DOCK7: variants seen among roughly 807,000 people sequenced by gnomAD.
The protein encoded by DOCK7 is dedicator of cytokinesis protein 7.
Under a neutral mutation model 271.0 loss-of-function variants are expected in DOCK7, and 138 were observed. The ratio of observed to expected loss-of-function variants is 0.51; its 90% CI spans 0.44 to 0.59. DOCK7 has a LOEUF of 0.59. DOCK7 is among the 20% of genes least tolerant of loss of function. The probability of loss-of-function intolerance (pLI) is 0.00; values close to 1 mark genes in which losing one functional copy is unlikely to be tolerated. For missense variants in DOCK7, 2,066 were observed against 2,592.4 expected, an observed-to-expected ratio of 0.80 and a Z score of 4.41; for synonymous variants, 823 against 876.1, an observed-to-expected ratio of 0.94 and a Z score of 1.07.
rs1012319916 is a variant in DOCK7, at chr1:62,454,961, G to A, written c.*453C>T. On this transcript the variant is annotated 3_prime_UTR_variant, in exon 50 of 50. Coordinates refer to ENST00000635253, the MANE Select transcript of DOCK7 (RefSeq NM_001367561.1). ...TAGTTCTTGAGTCAACCCTTTAATT[G>A]TTCTCTGCCATTGTCAATAATAAAA... The A allele has an allele frequency of 1.4e-5, 5 of 346,530 alleles. No homozygotes were observed. Among genetic ancestry groups the A allele is most frequent in the South Asian group, 1.1e-4 (1 of 8,930 alleles). 21.5% of individuals were successfully genotyped at this position (346,530 alleles called of 1,614,324 possible). A position where few individuals can be genotyped will look rare whatever the true frequency, so the allele number is the denominator to read the frequency against.
At chr1:62,595,611 C>T (rs1337347886) in intron 14 of DOCK7, among the ~76,000 whole-genome samples, 2 of 152,136 alleles carry the variant, frequency 1.3e-5, no homozygotes, top group Non-Finnish European at 2.9e-5. Flanking sequence ...CTCTATTTTA[C>T]ACAATGAAGA....
chr1:62,561,065 G>A (rs1571548449), intron 19 of DOCK7, among the ~76,000 whole-genome samples: 1 of 152,268 alleles, frequency 6.6e-6, no homozygotes, highest in South Asian at 2.1e-4. Flanking sequence ...GCAGTAATAA[G>A]TGCAGGGTAA....
In DOCK7 at chr1:62,537,964, G is replaced by A. The variant is rs770900693; in HGVS notation, c.3398C>T (p.Thr1133Ile). The change falls in exon 28 of 50, where the codon ACA becomes ATA. Residue 1133 changes from threonine (T) to isoleucine (I), a missense_variant. By Grantham distance (89) the Thr-to-Ile change is moderately conservative. Coordinates refer to ENST00000635253, the MANE Select transcript of DOCK7 (RefSeq NM_001367561.1). ...AAGTAAGCTGCAGGGTAAGTTTAAT[G>A]TAACATAGTGCTCATGACTGCAGAT... ...RIICSHEHYV[T>I]LNLPCSLLTP... 3.7e-6 allele frequency: 6 copies of A among 1,613,954 alleles called. No individual in the cohort carries two copies. Among genetic ancestry groups the A allele is most frequent in the Non-Finnish European group, 4.2e-6 (5 of 1,179,982 alleles).
intron 2 of DOCK7, among the ~76,000 whole-genome samples, chr1:62,658,365 A>T (rs1658276945): frequency 6.6e-6 from 1 of 151,994 alleles, no homozygotes; most frequent in Non-Finnish European, 1.5e-5. Flanking sequence ...GCGGCATGAG[A>T]ATCGCTTGAA....
rs922873680 is a variant in DOCK7 at position 62,653,601 on chromosome 1, T to G, written c.389+124A>C. 33 of 653,894 alleles carry G rather than the reference T, an allele frequency of 5.0e-5. No homozygotes were observed. The Admixed American group carries it at 9.9e-4, about 20-fold the overall frequency. 40.5% of individuals were successfully genotyped at this position (653,894 alleles called of 1,614,324 possible). On this transcript the variant is annotated intron_variant, in intron 4 of 49. Transcript: ENST00000635253. The stretch of plus-strand genomic sequence containing the variant: ...AAATATCTATACACAAAAGTTCTTC[T>G]TTTGTTTCTTCAGCTATTTTGTTTA...
intron 43 of DOCK7, chr1:62,486,331 A>C (rs762023841): frequency 6.6e-6 from 1 of 152,100 alleles, no homozygotes; most frequent in African/African-American, 2.4e-5. Context: ...AAGGTTTTCT[A>C]TTTGGGTCTT....
chr1:62,524,639 T>C (rs1644944746), intron 31 of DOCK7, among the ~76,000 whole-genome samples: 1 of 151,994 alleles, frequency 6.6e-6, no homozygotes, highest in African/African-American at 2.4e-5. Context: ...GGCTCATACC[T>C]ATGATCCCAG....
At position 62,552,849 on chromosome 1, in the gene DOCK7, C is replaced by G; in HGVS notation, c.2649G>C (p.Ala883=). The part of the protein sequence containing the change: ...SVHYATMARS[A]VRPASLNLNR... ...TTAAATTAAGGCTTGCAGGTCTCAC[C>G]GCAGATCTAGCCATTGTGGCATAAT... Residue 883 remains alanine (A), a synonymous_variant, in exon 22 of 50, where the codon GCG becomes GCC. Transcript: ENST00000635253. 4 of 1,613,544 alleles carry G rather than the reference C, an allele frequency of 2.5e-6. No homozygotes were observed. The highest frequency in any genetic ancestry group is 3.4e-6 in the Non-Finnish European group (4 of 1,179,850).
chr1:62,585,467 A>T (rs576427860), intron 15 of DOCK7, among the ~76,000 whole-genome samples: 1 of 152,320 alleles, frequency 6.6e-6, no homozygotes, highest in African/African-American at 2.4e-5. Flanking sequence ...ACTTCAGCTG[A>T]GCCAAAAATT....
chr1:62,664,406 A>T (rs965820534), intron 1 of DOCK7, among the ~76,000 whole-genome samples: 2 of 152,042 alleles, frequency 1.3e-5, no homozygotes, highest in African/African-American at 4.8e-5. Context: ...CTTGGCTCTC[A>T]TTCTCTCCAG....
At chr1:62,466,194 T>TG (rs1553149676) in intron 48 of DOCK7, among the ~76,000 whole-genome samples, 3 of 152,140 alleles carry the variant, frequency 2.0e-5, no homozygotes, top group African/African-American at 7.2e-5. Context: ...CAGGTTTTTT[T>TG]TTGTTGTTGT....
At chr1:62,521,830 G>C (rs1474631780) in intron 31 of DOCK7, among the ~76,000 whole-genome samples, 1 of 151,988 alleles carries the variant, frequency 6.6e-6, no homozygotes, top group Non-Finnish European at 1.5e-5. Context: ...ACAAACATTA[G>C]TCAGGCACAG....
chr1:62,663,177 A>C (rs769165554), intron 1 of DOCK7, 47 bp from the exon 2 acceptor site: 40 of 1,424,252 alleles, frequency 2.8e-5, no homozygotes, highest in Non-Finnish European at 3.5e-5. Context: ...AAAAAAAAAA[A>C]ACTAAACTAG....
intron 20 of DOCK7, among the ~76,000 whole-genome samples, chr1:62,556,602 C>A (rs1013852450): frequency 2.6e-5 from 4 of 151,414 alleles, no homozygotes; most frequent in Non-Finnish European, 5.9e-5. Flanking sequence ...GCAATACCTA[C>A]TCGGTCACTC....
At chr1:62,585,749 C>T (rs940815273) in intron 15 of DOCK7, among the ~76,000 whole-genome samples, 3 of 152,158 alleles carry the variant, frequency 2.0e-5, no homozygotes, top group African/African-American at 7.2e-5. Flanking sequence ...TGCCTGTTAC[C>T]TCAGTAAGGC....
At chr1:62,475,619 G>GTACA in intron 46 of DOCK7, 88 bp downstream of exon 46, 1 of 1,261,864 alleles carries the variant, frequency 7.9e-7, no homozygotes, top group Admixed American at 1.8e-5. Context: ...ATAAGGGATG[G>GTACA]TACATATCTT....
chr1:62,586,654 A>T (rs764733003), intron 14 of DOCK7, 30 bp from the exon 15 acceptor site: 6 of 1,359,932 alleles, frequency 4.4e-6, no homozygotes, highest in Non-Finnish European at 6.2e-6. Context: ...GATGATAGTA[A>T]ATACATATCT....
intron 24 of DOCK7, 88 bp from the exon 25 acceptor site, chr1:62,542,791 TAATGAGAATAAGCAA>T (rs1375630275): frequency 3.9e-6 from 5 of 1,280,520 alleles, no homozygotes; most frequent in Non-Finnish European, 5.5e-6. Context: ...AACGAAGATA[TAATGAGAATAAGCAA>T]AATAAGGCAC....
In DOCK7 at chr1:62,583,186, G is replaced by C; in HGVS notation, c.1869C>G (p.Asn623Lys). 6.2e-7 allele frequency: 1 copy of C among 1,609,992 alleles called. No homozygotes were observed. The highest frequency in any genetic ancestry group is 8.5e-7 in the Non-Finnish European group (1 of 1,176,706). Residue 623 changes from asparagine (N) to lysine (K), a missense_variant and splice_region_variant, in exon 16 of 50, where the codon AAC becomes AAG. Physicochemically the swap from Asn to Lys is moderately conservative, Grantham distance 94 (BLOSUM62 0). Around this residue, in one of 2 missense-constraint regions of DOCK7, gnomAD observed 1,414 missense variants for 1,670.4 expected, o/e 0.85. Coordinates refer to ENST00000635253, the MANE Select transcript of DOCK7 (RefSeq NM_001367561.1). ...KEAYTAVVYH[N>K]RSPDFHEEIK... ...AAAGAAATATTTGAATTCAGTACCT[G>C]TTATGATATACTACGGCTGTATAGG...
Sources: gnomAD v4.1 joint callset for allele counts (sites outside exome capture counted in the v4.1 genomes callset) on GRCh38, gnomAD v4.1.1 for gene constraint, gnomAD v4.1.1 regional missense constraint, MANE v1.5 for transcripts, NCBI Gene and HGNC (gene_info 2026-07-23, HGNC 2026-07-21) for gene names.